Variants in POPDC1 observed in about 807,000 individuals in gnomAD.
POPDC1 encodes the protein popeye domain-containing protein 1.
the POPDC1 span, chr6:105,099,852 T>C: frequency 5.3e-5 from 8 of 152,256 alleles, no homozygotes; most frequent in African/African-American, 1.9e-4. Flanking sequence ...GATCTTTCAG[T>C]GGCCTCATCC....
At chr6:105,106,474 C>G in the POPDC1 span, among the ~76,000 whole-genome samples, 36 of 152,342 alleles carry the variant, frequency 2.4e-4, no homozygotes, top group African/African-American at 7.9e-4. Context: ...ACTGGGACAG[C>G]AGCGAGAGTC....
the POPDC1 span, among the ~76,000 whole-genome samples, chr6:105,108,516 A>G: frequency 6.6e-6 from 1 of 152,266 alleles, no homozygotes; most frequent in Non-Finnish European, 1.5e-5. Context: ...GGTTTCACCT[A>G]AAAGACAGAA....
chr6:105,098,620 C>T, the POPDC1 span: 3 of 152,140 alleles, frequency 2.0e-5, no homozygotes, highest in East Asian at 1.9e-4. Flanking sequence ...GTCTTATGCG[C>T]GTGTAAACTA....
At chr6:105,105,377 C>T in the POPDC1 span, among the ~76,000 whole-genome samples, 1 of 152,208 alleles carries the variant, frequency 6.6e-6, no homozygotes, top group Non-Finnish European at 1.5e-5. Context: ...GTTAGCCTGG[C>T]CTTCTGTACC....
the POPDC1 span, among the ~76,000 whole-genome samples, chr6:105,123,968 A>G: frequency 2.0e-5 from 3 of 152,240 alleles, no homozygotes; most frequent in African/African-American, 7.2e-5. Flanking sequence ...GATGTTTTCT[A>G]TAGAAAAAAT....
chr6:105,110,512 C>T, the POPDC1 span, among the ~76,000 whole-genome samples: 4 of 152,196 alleles, frequency 2.6e-5, no homozygotes, highest in African/African-American at 7.2e-5. Flanking sequence ...AAACCAGCCT[C>T]GAAACTAAGA....
At chr6:105,121,455 A>G in the POPDC1 span, among the ~76,000 whole-genome samples, 1 of 151,970 alleles carries the variant, frequency 6.6e-6, no homozygotes, top group African/African-American at 2.4e-5. Flanking sequence ...TTTAGTGGAC[A>G]CCAGGTTTCA....
the POPDC1 span, among the ~76,000 whole-genome samples, chr6:105,105,555 T>A: frequency 6.6e-6 from 1 of 152,234 alleles, no homozygotes. Flanking sequence ...ACTTACTGGT[T>A]CAATGGAAAG....
chr6:105,102,164 T>C, the POPDC1 span, among the ~76,000 whole-genome samples: 1 of 152,176 alleles, frequency 6.6e-6, no homozygotes. Flanking sequence ...AGCCCACAAA[T>C]GCTGAACTCA....
At chr6:105,115,915 C>G in the POPDC1 span, 5 of 1,351,990 alleles carry the variant, frequency 3.7e-6, no homozygotes, top group Non-Finnish European at 5.0e-6. Flanking sequence ...CCTAGAAATA[C>G]GTTAGTGCAT....
the POPDC1 span, among the ~76,000 whole-genome samples, chr6:105,116,168 G>A: frequency 1.3e-5 from 2 of 151,236 alleles, no homozygotes; most frequent in South Asian, 2.1e-4. Context: ...TCACAGAAAC[G>A]ACGTTTTTAA....
At chr6:105,133,918 C>T in the POPDC1 span, among the ~76,000 whole-genome samples, 146 of 152,222 alleles carry the variant, frequency 9.6e-4, no homozygotes, top group African/African-American at 3.4e-3. Context: ...GGGAATTAGT[C>T]TTTAAGATAA....
At chr6:105,134,335 C>T in the POPDC1 span, among the ~76,000 whole-genome samples, 3 of 152,050 alleles carry the variant, frequency 2.0e-5, no homozygotes, top group African/African-American at 7.2e-5. Flanking sequence ...TATGAAAATC[C>T]ATAGCAAGTA....
At chr6:105,119,184 CAAAAAAAAAA>C in the POPDC1 span, among the ~76,000 whole-genome samples, 27 of 111,302 alleles carry the variant, frequency 2.4e-4, no homozygotes, top group African/African-American at 9.3e-4. Flanking sequence ...GACTCCCTCT[CAAAAAAAAAA>C]AAAAAAAAAA....
chr6:105,104,309 CTG>C, the POPDC1 span, among the ~76,000 whole-genome samples: 3 of 152,154 alleles, frequency 2.0e-5, no homozygotes, highest in African/African-American at 4.8e-5. Flanking sequence ...CTTCCACATT[CTG>C]TGTAACATTG....
the POPDC1 span, among the ~76,000 whole-genome samples, chr6:105,134,067 C>A: frequency 6.6e-6 from 1 of 151,794 alleles, no homozygotes; most frequent in Non-Finnish European, 1.5e-5. Context: ...ATATGAATAC[C>A]CTCACATCTA....
the POPDC1 span, chr6:105,129,578 T>C: frequency 2.1e-6 from 3 of 1,452,332 alleles, no homozygotes; most frequent in South Asian, 3.9e-5. Context: ...TTTGATATCC[T>C]CTATATATAC....
At chr6:105,126,214 G>A in the POPDC1 span, among the ~76,000 whole-genome samples, 5 of 144,944 alleles carry the variant, frequency 3.4e-5, no homozygotes, top group South Asian at 2.2e-4. Context: ...CAACAAGAGC[G>A]AAACTCGGTA....
chr6:105,106,401 G>A, the POPDC1 span, among the ~76,000 whole-genome samples: 13 of 152,320 alleles, frequency 8.5e-5, no homozygotes, highest in African/African-American at 3.1e-4. Context: ...TGTAGCACCA[G>A]GCTGCCGTGC....
Sources: gnomAD v4.1 joint callset for allele counts (sites outside exome capture counted in the v4.1 genomes callset) on GRCh38, gnomAD v4.1.1 for gene constraint, MANE v1.5 for transcripts, NCBI Gene and HGNC (gene_info 2026-07-23, HGNC 2026-07-21) for gene names.